The following CADPS2 variants were observed in gnomAD, a reference collection of about 807,000 sequenced individuals.
The protein encoded by CADPS2 is calcium-dependent secretion activator 2.
A neutral mutation model predicts 172.5 loss-of-function variants in CADPS2; 93 were observed. The observed-to-expected ratio is 0.54, with a 90% CI of 0.46 to 0.64. CADPS2 has a LOEUF of 0.64. Ranked by LOEUF, CADPS2 falls within the 30% of genes least tolerant of loss-of-function variation. The pLI, the probability that CADPS2 is intolerant of heterozygous loss-of-function variation, is 0.00. For missense variants in CADPS2, 1,420 were observed against 1,565.9 expected, an observed-to-expected ratio of 0.91 and a Z score of 1.57; for synonymous variants, 546 against 555.2, an observed-to-expected ratio of 0.98 and a Z score of 0.23.
chr7:122,550,374 T>TTTTGCTAA (rs1309943752), intron 8 of CADPS2, among the ~76,000 whole-genome samples: 1 of 152,048 alleles, frequency 6.6e-6, no homozygotes, highest in African/African-American at 2.4e-5. Flanking sequence ...CATCTCAGAG[T>TTTTGCTAA]AGTTTTGCTA....
At chr7:122,796,244 T>C (rs1043713617) in intron 1 of CADPS2, among the ~76,000 whole-genome samples, 1 of 152,220 alleles carries the variant, frequency 6.6e-6, no homozygotes, top group African/African-American at 2.4e-5. Context: ...TCCATGCTCA[T>C]GGATAGGAAG....
At chr7:122,850,008 G>A (rs1584912621) in intron 1 of CADPS2, 1 of 863,524 alleles carries the variant, frequency 1.2e-6, no homozygotes, top group South Asian at 2.0e-5. Flanking sequence ...GCCTAGGCTG[G>A]GGAAGGAACA....
chr7:122,790,811 TCA>T (rs770660483), intron 1 of CADPS2, among the ~76,000 whole-genome samples: 72 of 152,266 alleles, frequency 4.7e-4, no homozygotes, highest in African/African-American at 1.3e-3. Flanking sequence ...ACTTGAAAAT[TCA>T]CAGTCATAAA....
chr7:122,669,000 T>C (rs1238416122), intron 2 of CADPS2, among the ~76,000 whole-genome samples: 1 of 152,180 alleles, frequency 6.6e-6, no homozygotes, highest in Non-Finnish European at 1.5e-5. Context: ...ATAAATCCAG[T>C]ACCTAACACA....
chr7:122,876,601 G>A (rs183825320), intron 1 of CADPS2, among the ~76,000 whole-genome samples: 10 of 152,156 alleles, frequency 6.6e-5, no homozygotes, highest in Admixed American at 4.6e-4. Context: ...GGGCTTAAGT[G>A]ATCCTTCTAC....
chr7:122,367,916 T>C (rs10241224), intron 25 of CADPS2, among the ~76,000 whole-genome samples: 22,799 of 151,918 alleles, frequency 0.15, 1,745 homozygotes, highest in African/African-American at 0.16. Context: ...TCATGGTCTC[T>C]ATCCTCCATC....
At chr7:122,436,693 A>T (rs2050685265) in intron 17 of CADPS2, among the ~76,000 whole-genome samples, 1 of 151,930 alleles carries the variant, frequency 6.6e-6, no homozygotes, top group Admixed American at 6.6e-5. Context: ...ATTAGACCAG[A>T]GATAAGAGAG....
At chr7:122,548,501 A>C (rs546252544) in intron 8 of CADPS2, among the ~76,000 whole-genome samples, 1 of 152,344 alleles carries the variant, frequency 6.6e-6, no homozygotes, top group South Asian at 2.1e-4. Context: ...TCAACAATGT[A>C]TCATAAAACT....
chr7:122,602,204 A>C (rs918067440), intron 6 of CADPS2, among the ~76,000 whole-genome samples: 3 of 152,098 alleles, frequency 2.0e-5, no homozygotes, highest in African/African-American at 7.2e-5. Flanking sequence ...AGGAAAAAAA[A>C]AAAGTTTATT....
At chr7:122,674,160 C>T (rs763807101) in intron 2 of CADPS2, among the ~76,000 whole-genome samples, 2 of 152,170 alleles carry the variant, frequency 1.3e-5, no homozygotes, top group Non-Finnish European at 2.9e-5. Context: ...CCGGAACTCA[C>T]GCTGTCCTGC....
At chr7:122,724,850 T>C (rs941543835) in intron 2 of CADPS2, among the ~76,000 whole-genome samples, 1 of 152,080 alleles carries the variant, frequency 6.6e-6, no homozygotes, top group African/African-American at 2.4e-5. Context: ...TGGCAGTCTG[T>C]TGAAGTCTAG....
chr7:122,528,707 A>G (rs1007701411), intron 8 of CADPS2, among the ~76,000 whole-genome samples: 28 of 152,282 alleles, frequency 1.8e-4, no homozygotes, highest in African/African-American at 6.5e-4. Flanking sequence ...TGTAGGACAC[A>G]TAAAAATGAA....
chr7:122,766,088 C>T (rs574226418), intron 1 of CADPS2, among the ~76,000 whole-genome samples: 7 of 151,930 alleles, frequency 4.6e-5, no homozygotes, highest in Non-Finnish European at 7.4e-5. Flanking sequence ...GGTAGGGAAA[C>T]GGAAGGGGGA....
chr7:122,419,644 T>C (rs145481933), intron 17 of CADPS2, among the ~76,000 whole-genome samples: 157 of 152,310 alleles, frequency 1.0e-3, no homozygotes, highest in African/African-American at 3.7e-3. Context: ...TAAGAAGCAC[T>C]GAACCAGATA....
At position 122,817,995 on chromosome 7, in the gene CADPS2, A is replaced by G. The variant is rs1159341538; in HGVS notation, c.339+68004T>C. ...CCTGACCCCTTATTTCCATGCCCCG[A>G]CCCCTTATTTCTGCACCCCATCCCT... On this transcript the variant is annotated intron_variant, in intron 1 of 29. Coordinates refer to ENST00000449022, the MANE Select transcript of CADPS2 (RefSeq NM_017954.11). Among the ~76,000 whole-genome samples, 6 of 104,782 alleles carry G rather than the reference A, an allele frequency of 5.7e-5. No individual in the cohort carries two copies. In the South Asian group the frequency reaches 1.6e-3, roughly 28 times the overall value. 68.7% of individuals were successfully genotyped at this position (104,782 alleles called of 152,430 possible).
chr7:122,736,833 G>C, intron 2 of CADPS2, 122 bp downstream of exon 2: 1 of 578,008 alleles, frequency 1.7e-6, no homozygotes, highest in South Asian at 2.4e-5. Context: ...TTTCAAAAAG[G>C]TTGCAAATTC....
At chr7:122,873,979 T>C (rs1048817439) in intron 1 of CADPS2, among the ~76,000 whole-genome samples, 4 of 152,190 alleles carry the variant, frequency 2.6e-5, no homozygotes, top group African/African-American at 9.7e-5. Flanking sequence ...GAAGTGTCTG[T>C]TCATATCCTT....
intron 2 of CADPS2, among the ~76,000 whole-genome samples, chr7:122,697,215 G>A (rs1169052245): frequency 6.6e-6 from 1 of 151,942 alleles, no homozygotes; most frequent in Non-Finnish European, 1.5e-5. Context: ...CAAAAAAAAT[G>A]TACTAACTGC....
At chr7:122,549,702 G>T (rs1334819220) in intron 8 of CADPS2, among the ~76,000 whole-genome samples, 3 of 151,860 alleles carry the variant, frequency 2.0e-5, no homozygotes, top group Non-Finnish European at 4.4e-5. Context: ...GTGAAATCAG[G>T]ATAAGCCAGG....
Sources: allele counts gnomAD v4.1 joint callset (sites outside exome capture counted in the v4.1 genomes callset), GRCh38; gene constraint gnomAD v4.1.1; transcripts MANE v1.5; gene names NCBI Gene and HGNC (gene_info 2026-07-23, HGNC 2026-07-21).